Variants in PROM1 observed in about 807,000 individuals in gnomAD.
PROM1 encodes the protein prominin-1.
In PROM1, 105 loss-of-function variants were observed where a neutral mutation model predicts 116.9. The ratio of observed to expected loss-of-function variants is 0.90; its 90% CI spans 0.77 to 1.06. The LOEUF is 1.06. Ranked by LOEUF, PROM1 falls within the 50% of genes least tolerant of loss-of-function variation. The pLI, the probability that PROM1 is intolerant of heterozygous loss-of-function variation, is 0.00. For synonymous variants in PROM1, 393 were observed against 387.0 expected, an observed-to-expected ratio of 1.02 and a Z score of -0.18; for missense variants, 1,122 against 1,045.2, an observed-to-expected ratio of 1.07 and a Z score of -1.01.
At chr4:15,987,867 T>C (rs994506512) in intron 19 of PROM1, among the ~76,000 whole-genome samples, 151 bp from the exon 20 acceptor site, 1 of 147,894 alleles carries the variant, frequency 6.8e-6, no homozygotes, top group African/African-American at 2.5e-5. Flanking sequence ...CAATTAACAA[T>C]GTGTACTTTC....
At chr4:15,985,716 G>GA in intron 22 of PROM1, 44 bp downstream of exon 22, 1 of 1,333,288 alleles carries the variant, frequency 7.5e-7, no homozygotes, top group Non-Finnish European at 1.1e-6. Context: ...TGGCTATCCT[G>GA]AAACTTGACC....
chr4:16,019,706 A>G (rs1305789347), intron 8 of PROM1, among the ~76,000 whole-genome samples: 1 of 152,228 alleles, frequency 6.6e-6, no homozygotes, highest in African/African-American at 2.4e-5. Context: ...TCTTCTAAGC[A>G]AATAAATCTT....
chr4:16,042,574 C>T (rs1333277517), intron 2 of PROM1, among the ~76,000 whole-genome samples: 1 of 151,820 alleles, frequency 6.6e-6, no homozygotes, highest in East Asian at 1.9e-4. Flanking sequence ...ACACTTGTAC[C>T]CCATAAATTT....
intron 24 of PROM1, chr4:15,980,180 T>A: frequency 1.7e-6 from 1 of 585,816 alleles, no homozygotes; most frequent in Non-Finnish European, 3.0e-6. Context: ...AAACAAGAAA[T>A]AAAAAGGCTG....
At chr4:15,971,262 T>C (rs973370425) in intron 26 of PROM1, 180 bp from the exon 27 acceptor site, 8 of 554,036 alleles carry the variant, frequency 1.4e-5, no homozygotes, top group Non-Finnish European at 2.6e-5. Context: ...CTTCTGTTTG[T>C]ATTGCTTTTA....
chr4:16,023,747 G>C (rs1022045599), intron 7 of PROM1, among the ~76,000 whole-genome samples: 1 of 152,130 alleles, frequency 6.6e-6, no homozygotes, highest in Non-Finnish European at 1.5e-5. Flanking sequence ...GAGCATTACG[G>C]GATGCTTAGA....
At position 16,021,607 on chromosome 4, in the gene PROM1, G is replaced by A. The variant is rs539292933; in HGVS notation, c.784+1719C>T. The stretch of plus-strand genomic sequence containing the variant: ...CAATATTGCAAACGCACTGACGCAC[G>A]AGGGATCCAGGCTGCAGTGTTGCCT... On this transcript the variant is annotated intron_variant, in intron 8 of 27. Transcript: ENST00000447510. Among the ~76,000 whole-genome samples, 32 of 152,284 alleles carry A rather than the reference G, an allele frequency of 2.1e-4. No individual in the cohort carries two copies. The South Asian group carries it at 5.4e-3, about 26-fold the overall frequency.
chr4:16,050,233 C>A (rs1737553006), intron 2 of PROM1, among the ~76,000 whole-genome samples: 1 of 151,728 alleles, frequency 6.6e-6, no homozygotes, highest in Non-Finnish European at 1.5e-5. Flanking sequence ...TGAACTCCAG[C>A]CTGGGTGACA....
chr4:16,054,743 C>T (rs1273557277), intron 2 of PROM1, among the ~76,000 whole-genome samples: 1 of 152,098 alleles, frequency 6.6e-6, no homozygotes, highest in Non-Finnish European at 1.5e-5. Flanking sequence ...TTCAATCCAG[C>T]CAGATCCCCG....
rs747220095 is a variant in PROM1, at chr4:16,009,035, T to C, written c.1215A>G (p.Ile405Met). The C allele has an allele frequency of 9.4e-6, 15 of 1,602,628 alleles. No individual in the cohort carries two copies. The East Asian group carries it at 3.3e-4, about 36-fold the overall frequency. Residue 405 changes from isoleucine (I) to methionine (M), a missense_variant, in exon 12 of 28, where the codon ATA becomes ATG. By Grantham distance (10) the Ile-to-Met change is conservative. Coordinates refer to ENST00000447510, the MANE Select transcript of PROM1 (RefSeq NM_006017.3). ...NVTQRLPIQDILSAFSVYVNN... is the reference protein window; with the variant it reads ...NVTQRLPIQDMLSAFSVYVNN... The stretch of plus-strand genomic sequence containing the variant: ...TAACATAAACAGAGAATGCTGAGAG[T>C]ATATCCTGAATAGGAAGACGCTGAG...
At chr4:16,051,350 G>A (rs943919535) in intron 2 of PROM1, among the ~76,000 whole-genome samples, 1 of 152,210 alleles carries the variant, frequency 6.6e-6, no homozygotes, top group Non-Finnish European at 1.5e-5. Flanking sequence ...GCCTTGGGCA[G>A]GTGGCTTAGC....
intron 20 of PROM1, among the ~76,000 whole-genome samples, chr4:15,986,632 A>T (rs1318960539): frequency 6.6e-6 from 1 of 152,040 alleles, no homozygotes; most frequent in Non-Finnish European, 1.5e-5. Flanking sequence ...ACCACTGCAC[A>T]CCCTCGCCCT....
chr4:16,041,682 G>T (rs1028922898), intron 2 of PROM1, among the ~76,000 whole-genome samples: 4 of 151,620 alleles, frequency 2.6e-5, no homozygotes, highest in Admixed American at 6.6e-5. Flanking sequence ...TTGAGCCCAG[G>T]AGTTCAACTA....
chr4:16,080,982 C>T (rs1192233186), intron 1 of PROM1, among the ~76,000 whole-genome samples: 1 of 151,962 alleles, frequency 6.6e-6, no homozygotes, highest in Non-Finnish European at 1.5e-5. Context: ...AGCCTTGCTG[C>T]CACTTACCTA....
chr4:15,998,030 A>T lies in PROM1; in HGVS notation c.1682+355T>A, dbSNP rs571012365. On this transcript the variant is annotated intron_variant, in intron 15 of 27. Coordinates refer to ENST00000447510, the MANE Select transcript of PROM1 (RefSeq NM_006017.3). ...CCCCTATCAGTGATCCAAATCACTG[A>T]ATCACCTGTTCACTATTCTTGTTGG... 3.3e-5 allele frequency among the ~76,000 whole-genome samples: 5 copies of T among 152,324 alleles called. No homozygotes were observed. The South Asian group carries it at 1.0e-3, about 32-fold the overall frequency.
intron 2 of PROM1, among the ~76,000 whole-genome samples, chr4:16,067,843 C>T (rs952078627): frequency 1.3e-5 from 2 of 152,180 alleles, no homozygotes; most frequent in Non-Finnish European, 2.9e-5. Flanking sequence ...AGCAGCCAGG[C>T]TCACACAGAC....
At chr4:15,980,028 T>A (rs79675869) in intron 24 of PROM1, 124 bp from the exon 25 acceptor site, 1 of 653,274 alleles carries the variant, frequency 1.5e-6, no homozygotes, top group Non-Finnish European at 2.6e-6. Flanking sequence ...GAAAGACCCA[T>A]GTTGAAAGAT....
At chr4:15,974,177 C>T (rs1055340234) in intron 26 of PROM1, among the ~76,000 whole-genome samples, 4 of 151,146 alleles carry the variant, frequency 2.6e-5, no homozygotes, top group African/African-American at 4.9e-5. Flanking sequence ...GATCACAATC[C>T]GAGTGACCTC....
At chr4:16,063,114 T>C (rs796658727) in intron 2 of PROM1, among the ~76,000 whole-genome samples, 3 of 152,292 alleles carry the variant, frequency 2.0e-5, no homozygotes, top group African/African-American at 7.2e-5. Context: ...AAAATGAACC[T>C]GAATCTGATC....
Sources: gnomAD v4.1 joint callset for allele counts (sites outside exome capture counted in the v4.1 genomes callset) on GRCh38, gnomAD v4.1.1 for gene constraint, MANE v1.5 for transcripts, NCBI Gene and HGNC (gene_info 2026-07-23, HGNC 2026-07-21) for gene names.